Variants in FEZ2 observed in about 807,000 individuals in gnomAD.
FEZ2 encodes fasciculation and elongation protein zeta-2.
Under a neutral mutation model 40.4 loss-of-function variants are expected in FEZ2, and 51 were observed. The ratio of observed to expected loss-of-function variants is 1.26; its 90% CI spans 1.01 to 1.59. The LOEUF is 1.59. Ranked by LOEUF, FEZ2 falls within the 40% of genes most tolerant of loss-of-function variation. The probability of loss-of-function intolerance (pLI) is 0.00; values close to 1 mark genes in which losing one functional copy is unlikely to be tolerated. For missense variants in FEZ2, 640 were observed against 438.3 expected, an observed-to-expected ratio of 1.46 and a Z score of -4.11; for synonymous variants, 242 against 172.0, an observed-to-expected ratio of 1.41 and a Z score of -3.18.
intron 1 of FEZ2, among the ~76,000 whole-genome samples, chr2:36,595,118 A>G (rs1669178566): frequency 6.6e-6 from 1 of 152,218 alleles, no homozygotes; most frequent in South Asian, 2.1e-4. Context: ...AAACCTCAGT[A>G]CGTAAATACA....
Position 36,590,779 on chromosome 2 carries a change from A to C in FEZ2, c.375+124T>G, listed in dbSNP as rs541388024. 1.2e-5 allele frequency: 8 copies of C among 659,784 alleles called. No homozygotes were observed. The African/African-American group carries it at 1.3e-4, about 10-fold the overall frequency. The allele number at this position is 659,784 out of a possible 1,614,324, so 40.9% of individuals were successfully genotyped here. ...CCAAGACATCAAGACAGAGCCACCC[A>C]AACTGCTATAATTTCAGAAATGAGA... On this transcript the variant is annotated intron_variant, in intron 2 of 7. Transcript: ENST00000405912.
intron 5 of FEZ2, among the ~76,000 whole-genome samples, chr2:36,575,891 A>G (rs1297316521): frequency 2.6e-5 from 4 of 152,220 alleles, no homozygotes; most frequent in Non-Finnish European, 4.4e-5. Flanking sequence ...TGAAACATAC[A>G]TGAAGAAAAA....
At chr2:36,574,006 T>G (rs1182318210) in intron 5 of FEZ2, among the ~76,000 whole-genome samples, 1 of 152,230 alleles carries the variant, frequency 6.6e-6, no homozygotes, top group African/African-American at 2.4e-5. Context: ...GATAAACTAG[T>G]TTTGCTAACC....
At chr2:36,597,763 C>T in intron 1 of FEZ2, 114 bp downstream of exon 1, 3 of 793,478 alleles carry the variant, frequency 3.8e-6, no homozygotes, top group Non-Finnish European at 5.2e-6. Flanking sequence ...AGGGCGGGGA[C>T]TCCCGCGTCC....
At chr2:36,587,259 T>C (rs1466873841) in intron 2 of FEZ2, among the ~76,000 whole-genome samples, 1 of 152,140 alleles carries the variant, frequency 6.6e-6, no homozygotes, top group Non-Finnish European at 1.5e-5. Context: ...GAGAGCCAAG[T>C]CCATTCCCCA....
At chr2:36,577,642 T>A (rs1311966120) in intron 5 of FEZ2, among the ~76,000 whole-genome samples, 3 of 152,256 alleles carry the variant, frequency 2.0e-5, no homozygotes, top group Admixed American at 2.0e-4. Flanking sequence ...ATAAATGAGC[T>A]ATATGGTAAG....
chr2:36,591,457 CTTAT>C (rs1669070328), intron 1 of FEZ2: 1 of 153,148 alleles, frequency 6.5e-6, no homozygotes, highest in Admixed American at 6.5e-5. Context: ...GTGCATTACA[CTTAT>C]TTTTCTTCTG....
intron 2 of FEZ2, among the ~76,000 whole-genome samples, chr2:36,584,269 C>T (rs140828212): frequency 6.6e-6 from 1 of 152,188 alleles, no homozygotes; most frequent in Non-Finnish European, 1.5e-5. Flanking sequence ...CAGACTTCTC[C>T]CACAAGGCCA....
chr2:36,594,938 G>A (rs1669170645), intron 1 of FEZ2, among the ~76,000 whole-genome samples: 1 of 152,224 alleles, frequency 6.6e-6, no homozygotes, highest in Non-Finnish European at 1.5e-5. Flanking sequence ...GAAGGACACA[G>A]AGGCAACTCT....
At chr2:36,583,570 A>C (rs907389742) in intron 2 of FEZ2, 101 bp from the exon 3 acceptor site, 1 of 676,900 alleles carries the variant, frequency 1.5e-6, no homozygotes, top group African/African-American at 1.8e-5. Flanking sequence ...AACTACTAAG[A>C]GCCTTCCCTC....
intron 1 of FEZ2, among the ~76,000 whole-genome samples, chr2:36,597,377 C>T (rs984917056): frequency 1.2e-4 from 18 of 152,336 alleles, no homozygotes; most frequent in African/African-American, 4.1e-4. Flanking sequence ...ACCATTGCAG[C>T]GCTAATTACA....
At chr2:36,581,943 A>G (rs1668762801) in intron 3 of FEZ2, among the ~76,000 whole-genome samples, 2 of 152,208 alleles carry the variant, frequency 1.3e-5, no homozygotes, top group African/African-American at 4.8e-5. Context: ...TTCTTTCAAC[A>G]GCAGAAAAAT....
At chr2:36,559,470 C>G (rs1366801132) in intron 5 of FEZ2, among the ~76,000 whole-genome samples, 2 of 152,190 alleles carry the variant, frequency 1.3e-5, no homozygotes, top group Admixed American at 1.3e-4. Flanking sequence ...CTGCCCATAA[C>G]TGAAAAACAG....
chr2:36,572,050 A>AG (rs1668432818), intron 5 of FEZ2, among the ~76,000 whole-genome samples: 1 of 149,756 alleles, frequency 6.7e-6, no homozygotes, highest in Non-Finnish European at 1.5e-5. Flanking sequence ...AAAAAGATAA[A>AG]GGGGAAAAAA....
intron 4 of FEZ2, among the ~76,000 whole-genome samples, chr2:36,581,079 G>A (rs557087827): frequency 2.0e-5 from 3 of 152,254 alleles, no homozygotes; most frequent in African/African-American, 7.2e-5. Flanking sequence ...AACCCGGGAG[G>A]CACAGGTTGC....
At chr2:36,587,099 T>C (rs1404369559) in intron 2 of FEZ2, among the ~76,000 whole-genome samples, 1 of 152,190 alleles carries the variant, frequency 6.6e-6, no homozygotes, top group Non-Finnish European at 1.5e-5. Context: ...TAAGCTGAAA[T>C]GAATGATAAG....
chr2:36,554,908 T>G (rs1042447511), intron 7 of FEZ2, among the ~76,000 whole-genome samples: 3 of 152,210 alleles, frequency 2.0e-5, no homozygotes, highest in Non-Finnish European at 4.4e-5. Flanking sequence ...AGGATTGCTC[T>G]CAAAATTTGA....
Position 36,553,103 on chromosome 2 carries a change from C to T in FEZ2, c.*60G>A, listed in dbSNP as rs1667861196. The T allele has an allele frequency of 5.5e-6, 8 of 1,446,844 alleles. No homozygotes were observed. The highest frequency in any genetic ancestry group is 7.6e-6 in the Non-Finnish European group (8 of 1,052,088). 89.6% of individuals were successfully genotyped at this position (1,446,844 alleles called of 1,614,324 possible). On this transcript the variant is annotated 3_prime_UTR_variant, in exon 8 of 8. Coordinates refer to ENST00000405912, the MANE Select transcript of FEZ2 (RefSeq NM_005102.3). ...TAGCAAGAAGGGTAATGGTAGCCAG[C>T]TCTCAGAATAATGCTGTCGGAAATC...
At chr2:36,555,310 G>T in intron 7 of FEZ2, 1 of 165,124 alleles carries the variant, frequency 6.1e-6, no homozygotes, top group Non-Finnish European at 1.3e-5. Context: ...CTAATGATCT[G>T]TCCTCCTTTC....
Sources: allele counts gnomAD v4.1 joint callset (sites outside exome capture counted in the v4.1 genomes callset), GRCh38; gene constraint gnomAD v4.1.1; transcripts MANE v1.5; gene names NCBI Gene and HGNC (gene_info 2026-07-23, HGNC 2026-07-21).